The following ADAMTS7 variants were observed in gnomAD, a reference collection of about 807,000 sequenced individuals.
The protein encoded by ADAMTS7 is ADAM metallopeptidase with thrombospondin type 1 motif 7.
A neutral mutation model predicts 172.6 loss-of-function variants in ADAMTS7; 89 were observed. That is an observed-to-expected ratio of 0.52 (90% CI 0.43 to 0.61). ADAMTS7 has a LOEUF of 0.61. Ranked by LOEUF, ADAMTS7 falls within the 20% of genes least tolerant of loss-of-function variation. The pLI is 0.00. For missense variants in ADAMTS7, 1,973 were observed against 2,355.6 expected (o/e 0.84, Z 3.36); for synonymous variants, 885 against 978.4 (o/e 0.90, Z 1.78).
rs145770510 is a variant in ADAMTS7, at chr15:78,772,637, G to A, written c.2131+446C>T. Among the ~76,000 whole-genome samples the A allele has an allele frequency of 3.8e-3, 572 of 152,366 alleles. 8 individuals carry two copies. Among genetic ancestry groups the A allele is most frequent in the African/African-American group, 0.013 (539 of 41,586 alleles). On this transcript the variant is annotated intron_variant, in intron 14 of 23. Coordinates refer to ENST00000388820, the MANE Select transcript of ADAMTS7 (RefSeq NM_014272.5). ...TTCCTCAGTGCTCCCACAGCCCTCC[G>A]GGCCTCCCTCCACTGCACTGGTCAC...
In ADAMTS7 at chr15:78,774,609, G is replaced by T. The variant is rs747452487; in HGVS notation, c.1876+15C>A. 1.2e-6 allele frequency: 2 copies of T among 1,611,568 alleles called. No homozygotes were observed. Among genetic ancestry groups the T allele is most frequent in the South Asian group, 1.1e-5 (1 of 90,980 alleles). ...CCCTCTAAGCCTCAATGTCTCCATGGGGGGCAGCACTCACCGTCATTGACC... is the reference window on the plus strand; with the variant it reads ...CCCTCTAAGCCTCAATGTCTCCATGTGGGGCAGCACTCACCGTCATTGACC... On this transcript the variant is annotated intron_variant, in intron 12 of 23. Coordinates refer to ENST00000388820, the MANE Select transcript of ADAMTS7 (RefSeq NM_014272.5).
At chr15:78,764,921 T>C (rs1298306047) in intron 19 of ADAMTS7, 1 of 516,268 alleles carries the variant, frequency 1.9e-6, no homozygotes, top group African/African-American at 2.0e-5. Flanking sequence ...CAGCCGTCCC[T>C]GCTCACATGG....
chr15:78,790,524 A>T, intron 6 of ADAMTS7, 146 bp downstream of exon 6: 2 of 1,024,764 alleles, frequency 2.0e-6, no homozygotes, highest in Non-Finnish European at 1.4e-6. Context: ...GTGCGGACAG[A>T]ATCCAGCCTT....
In ADAMTS7 at chr15:78,764,036, G is replaced by T; in HGVS notation, c.4483C>A (p.Leu1495Ile). ...RDVQCVDTRD[L>I]RPLRPFHCQP... Reference sequence around the variant, plus strand: ...CAATGGAAGGGCCGCAGTGGCCGGAGGTCCCGTGTGTCCACACACTGCACG... The same window carrying T: ...CAATGGAAGGGCCGCAGTGGCCGGATGTCCCGTGTGTCCACACACTGCACG... The change falls in exon 21 of 24, where the codon CTC becomes ATC. Residue 1495 changes from leucine (L) to isoleucine (I), a missense_variant. Around this residue, in one of 8 missense-constraint regions of ADAMTS7, gnomAD observed 218 missense variants for 216.9 expected, o/e 1.01. Coordinates refer to ENST00000388820, the MANE Select transcript of ADAMTS7 (RefSeq NM_014272.5). The T allele has an allele frequency of 6.5e-7, 1 of 1,540,192 alleles. No individual in the cohort carries two copies. The highest frequency in any genetic ancestry group is 8.8e-7 in the Non-Finnish European group (1 of 1,142,100).
Position 78,789,704 on chromosome 15 carries a change from T to C in ADAMTS7, c.1163A>G (p.His388Arg). Residue 388 changes from histidine to arginine, a missense_variant, in exon 7 of 24, where the codon CAC (histidine) becomes CGC (arginine). Physicochemically the swap from His to Arg is conservative, Grantham distance 29 (BLOSUM62 0). Around this residue, in one of 8 missense-constraint regions of ADAMTS7, gnomAD observed 526 missense variants for 662.9 expected, o/e 0.79. Transcript: ENST00000388820. ...TGLPLAFTVA[H>R]ELGHSFGIQH... ...GGCACAGTACCTGTGCCCGAGCTCG[T>C]GGGCTACAGTGAAGGCCAGCGGCAG... The C allele has an allele frequency of 6.2e-7, 1 of 1,613,776 alleles. No homozygotes were observed. Among genetic ancestry groups the C allele is most frequent in the Non-Finnish European group, 8.5e-7 (1 of 1,179,962 alleles).
At chr15:78,807,153 CA>C (rs1392865622) in intron 1 of ADAMTS7, among the ~76,000 whole-genome samples, 20 of 152,140 alleles carry the variant, frequency 1.3e-4, no homozygotes, top group Admixed American at 7.9e-4. Context: ...AGCTGAAGGT[CA>C]GGGGGGCACT....
rs771868123 is a variant in ADAMTS7 at position 78,773,214 on chromosome 15, C to A, written c.2011-11G>T. 1 of 1,436,650 alleles carries A rather than the reference C, an allele frequency of 7.0e-7. No homozygotes were observed. The highest frequency in any genetic ancestry group is 9.6e-7 in the Non-Finnish European group (1 of 1,044,494). 89.0% of individuals were successfully genotyped at this position (1,436,650 alleles called of 1,614,324 possible). On this transcript the variant is annotated splice_polypyrimidine_tract_variant and intron_variant, in intron 13 of 23. Transcript: ENST00000388820. ...GTCACAGCCCACGTTCTGCAACACA[C>A]AAGGAAGGGAGGGCCCTGGTGCTGG... is the stretch of plus-strand genomic sequence containing the variant.
Position 78,790,750 on chromosome 15 carries a change from G to C in ADAMTS7, c.948C>G (p.Ser316Arg). The C allele has an allele frequency of 1.2e-6, 2 of 1,613,976 alleles. No homozygotes were observed. Among genetic ancestry groups the C allele is most frequent in the Non-Finnish European group, 1.7e-6 (2 of 1,179,944 alleles). The change falls in exon 6 of 24, where the codon AGC (serine) becomes AGG (arginine). Residue 316 changes from serine (S) to arginine (R), a missense_variant. By Grantham distance (110) the Ser-to-Arg change is moderately radical. Coordinates refer to ENST00000388820, the MANE Select transcript of ADAMTS7 (RefSeq NM_014272.5). ...ITHHADNTLK[S>R]FCKWQKSINM... ...TGATGCTTTTCTGCCACTTGCAGAAGCTCTTCAGGGTGTTGTCTGCATGGT... is the reference window on the plus strand; with the variant it reads ...TGATGCTTTTCTGCCACTTGCAGAACCTCTTCAGGGTGTTGTCTGCATGGT...
At position 78,771,283 on chromosome 15, in the gene ADAMTS7, G is replaced by T. The variant is rs534043767; in HGVS notation, c.2397C>A (p.Asn799Lys). The T allele has an allele frequency of 1.2e-6, 2 of 1,612,868 alleles. No homozygotes were observed. Among genetic ancestry groups the T allele is most frequent in the South Asian group, 1.1e-5 (1 of 90,974 alleles). The change falls in exon 16 of 24, where the codon AAC becomes AAA. Residue 799 changes from asparagine (N) to lysine (K), a missense_variant. Coordinates refer to ENST00000388820, the MANE Select transcript of ADAMTS7 (RefSeq NM_014272.5). This position sits in a 1 kb window ranked among gnomAD's most constrained non-coding sequence, Gnocchi z 4.9. ...VWIQLLFQES[N>K]PGVHYEYTIH... ...TGGTGTACTCGTAGTGCACCCCAGG[G>T]TTGCTCTCCTGGAACAGCAGCTGGG...
chr15:78,795,715 C>T (rs974386366), intron 4 of ADAMTS7, among the ~76,000 whole-genome samples: 5 of 152,178 alleles, frequency 3.3e-5, no homozygotes, highest in Non-Finnish European at 7.3e-5. Flanking sequence ...TATATGGTGG[C>T]CTGCCAACCA....
intron 10 of ADAMTS7, 22 bp downstream of exon 10, chr15:78,776,727 C>CGGGACTGG (rs1567219875): frequency 6.5e-7 from 1 of 1,543,010 alleles, no homozygotes; most frequent in Admixed American, 2.0e-5. Context: ...CACCCACTGC[C>CGGGACTGG]GGGACTGGGG....
In ADAMTS7 at chr15:78,770,988, C is replaced by T. The variant is rs186270631; in HGVS notation, c.2518+174G>A. The T allele has an allele frequency of 6.7e-4, 591 of 879,820 alleles. 3 individuals carry two copies. Among genetic ancestry groups the T allele is most frequent in the Admixed American group, 9.7e-4 (32 of 33,144 alleles). The allele number at this position is 879,820 out of a possible 1,614,324, so 54.5% of individuals were successfully genotyped here. A position where few individuals can be genotyped will look rare whatever the true frequency, so the allele number is the denominator to read the frequency against. On this transcript the variant is annotated intron_variant, in intron 16 of 23. Transcript: ENST00000388820. ...CTGCCTCATCCATGTACCCTCCCAG[C>T]GGGCCTGGGACACAGGGCAATCGCT...
chr15:78,807,532 C>T (rs2055812648), intron 1 of ADAMTS7, among the ~76,000 whole-genome samples: 1 of 152,208 alleles, frequency 6.6e-6, no homozygotes, highest in African/African-American at 2.4e-5. Context: ...GCCAGAGAGG[C>T]TGTGTTTGAA....
chr15:78,774,573 C>A (rs763721441), intron 12 of ADAMTS7, 51 bp downstream of exon 12: 2 of 1,610,346 alleles, frequency 1.2e-6, no homozygotes, highest in Non-Finnish European at 1.7e-6. Context: ...CTTGGACCCA[C>A]ACACCCCCAG....
At position 78,811,354 on chromosome 15, in the gene ADAMTS7, C is replaced by T; in HGVS notation, c.-134G>A. On this transcript the variant is annotated 5_prime_UTR_variant, in exon 1 of 24. Coordinates refer to ENST00000388820, the MANE Select transcript of ADAMTS7 (RefSeq NM_014272.5). ...AGCTCCCGGCGACCCGGCCCCGACT[C>T]CGTTCGGCTGCGCTCGGTCCGCGGG... 1 of 1,102,294 alleles carries T rather than the reference C, an allele frequency of 9.1e-7. No homozygotes were observed. The highest frequency in any genetic ancestry group is 1.6e-5 in the African/African-American group (1 of 61,670). The allele number at this position is 1,102,294 out of a possible 1,614,324, so 68.3% of individuals were successfully genotyped here. A position where few individuals can be genotyped will look rare whatever the true frequency, so the allele number is the denominator to read the frequency against.
At chr15:78,796,535 C>T in intron 4 of ADAMTS7, 55 bp downstream of exon 4, 3 of 1,560,312 alleles carry the variant, frequency 1.9e-6, no homozygotes, top group South Asian at 1.2e-5. Context: ...CCACTCTTTG[C>T]ACCCCACCCC....
At chr15:78,790,553 C>T in intron 6 of ADAMTS7, 117 bp downstream of exon 6, 1 of 1,407,832 alleles carries the variant, frequency 7.1e-7, no homozygotes, top group Non-Finnish European at 9.6e-7. Flanking sequence ...GGTGCGCAAA[C>T]TCTCCTCAAA....
chr15:78,761,516 C>G (rs541892131), intron 23 of ADAMTS7, among the ~76,000 whole-genome samples: 2 of 152,356 alleles, frequency 1.3e-5, no homozygotes, highest in East Asian at 1.9e-4. Flanking sequence ...TGGATCCCCA[C>G]GCAGTGCTGC....
intron 8 of ADAMTS7, 108 bp downstream of exon 8, chr15:78,788,123 C>G: frequency 6.9e-7 from 1 of 1,441,968 alleles, no homozygotes; most frequent in Non-Finnish European, 9.4e-7. Flanking sequence ...AAGATCTTGC[C>G]CCTCTGCTTC....
Sources: allele counts gnomAD v4.1 joint callset (sites outside exome capture counted in the v4.1 genomes callset), GRCh38; gene constraint gnomAD v4.1.1; regional missense constraint gnomAD v4.1.1; non-coding constraint Gnocchi (gnomAD v3.1); transcripts MANE v1.5; gene names NCBI Gene and HGNC (gene_info 2026-07-23, HGNC 2026-07-21).